The following TRPC6 variants were observed in gnomAD, a reference collection of about 807,000 sequenced individuals.
The protein encoded by TRPC6 is transient receptor potential cation channel subfamily C member 6, also known as short transient receptor potential channel 6.
Under a neutral mutation model 90.7 loss-of-function variants are expected in TRPC6, and 55 were observed. The ratio of observed to expected loss-of-function variants is 0.61; its 90% confidence interval spans 0.49 to 0.76. The LOEUF is 0.76. Among genes scored for constraint, TRPC6 ranks in the 30% least tolerant of loss-of-function variants. The probability of loss-of-function intolerance (pLI) is 0.00; values close to 1 mark genes in which losing one functional copy is unlikely to be tolerated. For missense variants in TRPC6, 989 were observed against 1,122.7 expected (o/e 0.88, Z 1.70); for synonymous variants, 393 against 393.0 (o/e 1.00, Z 0.00).
chr11:101,484,427 A>G (rs1859624169), intron 4 of TRPC6, among the ~76,000 whole-genome samples: 1 of 152,144 alleles, frequency 6.6e-6, no homozygotes, highest in Non-Finnish European at 1.5e-5. Context: ...GCTATCATGG[A>G]AGGAACACAA....
intron 5 of TRPC6, among the ~76,000 whole-genome samples, chr11:101,482,205 A>G (rs1374418565): frequency 6.6e-6 from 1 of 152,256 alleles, no homozygotes; most frequent in Non-Finnish European, 1.5e-5. Flanking sequence ...TTCCTTGAAC[A>G]CAGGGACTGT....
At position 101,516,853 on chromosome 11, in the gene TRPC6, A is replaced by G. The variant is rs1399842666; in HGVS notation, c.171-12055T>C. On this transcript the variant is annotated intron_variant, in intron 1 of 12. Coordinates refer to ENST00000344327, the MANE Select transcript of TRPC6 (RefSeq NM_004621.6). ...TGCTGTCTACTCTCTTCTCTGCTAT[A>G]AAAGAGCAGGTCAGAACACATTACC... Among the ~76,000 whole-genome samples, 3 of 152,224 alleles carry G rather than the reference A, an allele frequency of 2.0e-5. No individual in the cohort carries two copies. In the South Asian group the frequency reaches 6.2e-4, roughly 32 times the overall value.
rs201818043 is a variant in TRPC6 at position 101,504,633 on chromosome 11, T to A, written c.336A>T (p.Pro112=). ...FLDAAEYGNI[P]VVRKMLEECH... ...ATTCTTCTAACATCTTCCGCACCAC[T>A]GGGATGTTACCATATTCAGCTGCAT... The change falls in exon 2 of 13, where the codon CCA becomes CCT. Residue 112 remains proline, a synonymous_variant. Coordinates refer to ENST00000344327, the MANE Select transcript of TRPC6 (RefSeq NM_004621.6). 1.4e-5 allele frequency: 23 copies of A among 1,612,194 alleles called. No individual in the cohort carries two copies. Among genetic ancestry groups the A allele is most frequent in the Non-Finnish European group, 1.9e-5 (22 of 1,178,568 alleles).
chr11:101,499,297 T>C (rs1032887005), intron 2 of TRPC6, among the ~76,000 whole-genome samples: 1 of 152,034 alleles, frequency 6.6e-6, no homozygotes, highest in Non-Finnish European at 1.5e-5. Context: ...TTCTTTTAAA[T>C]GTGACTTGGA....
chr11:101,536,407 AC>A (rs1565233784), intron 1 of TRPC6, among the ~76,000 whole-genome samples: 7 of 124,792 alleles, frequency 5.6e-5, no homozygotes, highest in Admixed American at 3.9e-4. Context: ...CCTCCCCCCC[AC>A]CAAAAAAAAA....
Position 101,471,294 on chromosome 11 carries a change from C to G in TRPC6, c.2298G>C (p.Leu766=), listed in dbSNP as rs369663658. The G allele has an allele frequency of 1.9e-6, 3 of 1,613,818 alleles. No individual in the cohort carries two copies. The African/African-American group carries it at 4.0e-5, about 22-fold the overall frequency. Residue 766 remains leucine (L), a synonymous_variant, in exon 9 of 13, where the codon CTG becomes CTC. Transcript: ENST00000344327. ...AAAACAGGGACTTTGGACTCGGCACCAGATTGAAGGGTACAGGAAGTGTTC... is the reference window on the plus strand; with the variant it reads ...AAAACAGGGACTTTGGACTCGGCACGAGATTGAAGGGTACAGGAAGTGTTC... ...EGRTLPVPFN[L]VPSPKSLFYL...
At chr11:101,541,875 G>A (rs1022747489) in intron 1 of TRPC6, among the ~76,000 whole-genome samples, 5 of 152,126 alleles carry the variant, frequency 3.3e-5, no homozygotes. Flanking sequence ...AGGCTTACAG[G>A]GAGGACTCAA....
chr11:101,475,072 A>G (rs1008824539), intron 6 of TRPC6, among the ~76,000 whole-genome samples: 2 of 152,176 alleles, frequency 1.3e-5, no homozygotes, highest in Admixed American at 1.3e-4. Context: ...GTTCAGTATT[A>G]CTGAATCCAT....
intron 1 of TRPC6, among the ~76,000 whole-genome samples, chr11:101,520,907 G>A (rs974082507): frequency 1.3e-5 from 2 of 152,182 alleles, no homozygotes; most frequent in African/African-American, 4.8e-5. Flanking sequence ...ATGTAGCCTG[G>A]CAGCTTCTAA....
At chr11:101,567,429 T>C (rs1317048493) in intron 1 of TRPC6, among the ~76,000 whole-genome samples, 1 of 152,018 alleles carries the variant, frequency 6.6e-6, no homozygotes, top group African/African-American at 2.4e-5. Context: ...GGGGTGGTTG[T>C]AGGCACAGCT....
At chr11:101,530,311 G>T (rs1006199628) in intron 1 of TRPC6, among the ~76,000 whole-genome samples, 2 of 152,024 alleles carry the variant, frequency 1.3e-5, no homozygotes, top group African/African-American at 2.4e-5. Context: ...AAGCAGGCTT[G>T]CTGAACTCCA....
intron 1 of TRPC6, among the ~76,000 whole-genome samples, chr11:101,535,608 G>A (rs993237751): frequency 6.6e-5 from 10 of 152,102 alleles, no homozygotes; most frequent in African/African-American, 2.4e-4. Flanking sequence ...TTACTTGTTA[G>A]TAAAATCCCT....
chr11:101,550,705 A>G (rs1861430692), intron 1 of TRPC6, among the ~76,000 whole-genome samples: 1 of 151,802 alleles, frequency 6.6e-6, no homozygotes, highest in Non-Finnish European at 1.5e-5. Context: ...ATTATAAAAC[A>G]CAAACAGATT....
chr11:101,515,806 T>C (rs1163824337), intron 1 of TRPC6, among the ~76,000 whole-genome samples: 1 of 152,212 alleles, frequency 6.6e-6, no homozygotes, highest in African/African-American at 2.4e-5. Context: ...TTACTATATA[T>C]TTAGCCCTGT....
chr11:101,556,219 A>G (rs1861557941), intron 1 of TRPC6, among the ~76,000 whole-genome samples: 1 of 152,210 alleles, frequency 6.6e-6, no homozygotes, highest in Non-Finnish European at 1.5e-5. Flanking sequence ...TAAACATTAG[A>G]GCAGAAATAA....
intron 1 of TRPC6, among the ~76,000 whole-genome samples, chr11:101,546,048 CTCTT>C (rs1861295497): frequency 2.3e-5 from 1 of 43,050 alleles, no homozygotes; most frequent in Non-Finnish European, 5.0e-5. Flanking sequence ...ACATTTATAA[CTCTT>C]TTTTTTTTTT....
chr11:101,575,378 A>G (rs1191591836), intron 1 of TRPC6, among the ~76,000 whole-genome samples: 5 of 152,188 alleles, frequency 3.3e-5, no homozygotes, highest in Non-Finnish European at 7.4e-5. Context: ...TTGAAATAAG[A>G]GATAAAACAA....
intron 1 of TRPC6, among the ~76,000 whole-genome samples, chr11:101,571,558 C>T (rs980088718): frequency 1.3e-5 from 2 of 152,126 alleles, no homozygotes; most frequent in Admixed American, 6.6e-5. Flanking sequence ...GCCCACATAG[C>T]CAAGACAATC....
chr11:101,559,158 TCAAAA>T (rs1035448478), intron 1 of TRPC6, among the ~76,000 whole-genome samples: 1 of 152,006 alleles, frequency 6.6e-6, no homozygotes, highest in Non-Finnish European at 1.5e-5. Context: ...CTCAGGCAAT[TCAAAA>T]CAAAACAAAA....
Sources: allele counts gnomAD v4.1 joint callset (sites outside exome capture counted in the v4.1 genomes callset), GRCh38; gene constraint gnomAD v4.1.1; transcripts MANE v1.5; gene names NCBI Gene and HGNC (gene_info 2026-07-23, HGNC 2026-07-21).